Variants in CNKSR3 observed in about 807,000 individuals in gnomAD.
CNKSR3 encodes the protein CNKSR family member 3.
In CNKSR3, 36 loss-of-function variants were observed where a neutral mutation model predicts 67.7. The observed-to-expected ratio is 0.53, with a 90% CI of 0.41 to 0.70. CNKSR3 has a LOEUF of 0.70. Ranked by LOEUF, CNKSR3 falls within the 30% of genes least tolerant of loss-of-function variation. The pLI, the probability that CNKSR3 is intolerant of heterozygous loss-of-function variation, is 0.00. For synonymous variants in CNKSR3, 281 were observed against 271.4 expected, an observed-to-expected ratio of 1.04 and a Z score of -0.35; for missense variants, 630 against 695.2, an observed-to-expected ratio of 0.91 and a Z score of 1.05.
intron 6 of CNKSR3, among the ~76,000 whole-genome samples, chr6:154,429,412 C>T (rs1197638711): frequency 6.6e-6 from 1 of 152,170 alleles, no homozygotes; most frequent in African/African-American, 2.4e-5. Flanking sequence ...GGTACTCCCC[C>T]TCCCAGGGCA....
chr6:154,406,690 C>G (rs867720485), intron 12 of CNKSR3, 38 bp from the exon 13 acceptor site: 1 of 1,569,468 alleles, frequency 6.4e-7, no homozygotes, highest in South Asian at 1.2e-5. Flanking sequence ...ACAATCCCAG[C>G]CGGGCGTGGT....
At chr6:154,443,118 G>C (rs1464466283) in intron 2 of CNKSR3, among the ~76,000 whole-genome samples, 1 of 151,930 alleles carries the variant, frequency 6.6e-6, no homozygotes, top group African/African-American at 2.4e-5. Context: ...GGCTGGTCTC[G>C]AACTTGTGAG....
At chr6:154,455,834 AAG>A (rs1785941191) in intron 1 of CNKSR3, among the ~76,000 whole-genome samples, 1 of 152,034 alleles carries the variant, frequency 6.6e-6, no homozygotes, top group African/African-American at 2.4e-5. Context: ...TTTCTGCACA[AAG>A]AGAAATATCA....
rs1275646974 is a variant in CNKSR3 at position 154,403,832 on chromosome 6, CA to C, written c.*2521del. ...TCACTTAAAGGATGGCTGTTCAATT[CA>C]CAAGTGGCATTTTCCCCACAGAAAA... On this transcript the variant is annotated 3_prime_UTR_variant, in exon 13 of 13. Transcript: ENST00000607772. 1 of 152,178 alleles carries C rather than the reference CA, an allele frequency of 6.6e-6. No homozygotes were observed. Among genetic ancestry groups the C allele is most frequent in the Non-Finnish European group, 1.5e-5 (1 of 68,062 alleles). The allele number at this position is 152,178 out of a possible 1,614,324, so 9.4% of individuals were successfully genotyped here. A position where few individuals can be genotyped will look rare whatever the true frequency, so the allele number is the denominator to read the frequency against.
chr6:154,474,410 CT>C (rs1324801309), intron 1 of CNKSR3, among the ~76,000 whole-genome samples: 21 of 102,638 alleles, frequency 2.0e-4, no homozygotes, highest in African/African-American at 1.5e-3. Flanking sequence ...AAGACTCCGT[CT>C]CAAAAAAAAA....
chr6:154,498,297 CT>C (rs757076644), intron 1 of CNKSR3, among the ~76,000 whole-genome samples: 29 of 152,014 alleles, frequency 1.9e-4, no homozygotes, highest in Non-Finnish European at 2.8e-4. Context: ...CTGACCATGG[CT>C]GTCCACAGAG....
intron 2 of CNKSR3, among the ~76,000 whole-genome samples, chr6:154,447,276 A>G (rs1280446959): frequency 6.6e-6 from 1 of 152,180 alleles, no homozygotes; most frequent in East Asian, 1.9e-4. Flanking sequence ...GCTTCTGAGT[A>G]CTTGAAGTGT....
At chr6:154,428,561 A>G (rs1189213122) in intron 6 of CNKSR3, among the ~76,000 whole-genome samples, 1 of 152,194 alleles carries the variant, frequency 6.6e-6, no homozygotes, top group Non-Finnish European at 1.5e-5. Flanking sequence ...TAAGTTGCCT[A>G]CACTGGAGTG....
At chr6:154,474,675 A>T (rs928453833) in intron 1 of CNKSR3, among the ~76,000 whole-genome samples, 5 of 152,212 alleles carry the variant, frequency 3.3e-5, no homozygotes, top group Admixed American at 2.6e-4. Flanking sequence ...TGCCCCTGGC[A>T]CAGCCGTAGA....
intron 4 of CNKSR3, among the ~76,000 whole-genome samples, chr6:154,438,166 T>C (rs1785510578): frequency 6.6e-6 from 1 of 152,232 alleles, no homozygotes; most frequent in African/African-American, 2.4e-5. Flanking sequence ...GTATTTTATA[T>C]TATTTATCTG....
chr6:154,428,737 T>C lies in CNKSR3; in HGVS notation c.670-550A>G, dbSNP rs547277623. On this transcript the variant is annotated intron_variant, in intron 6 of 12. Coordinates refer to ENST00000607772, the MANE Select transcript of CNKSR3 (RefSeq NM_173515.4). The stretch of plus-strand genomic sequence containing the variant: ...GATCTCACTATGTTACCCGGGCTGG[T>C]TTCAAACTCCTGGGCTCAAGTGATC... Among the ~76,000 whole-genome samples, 137 of 151,544 alleles carry C rather than the reference T, an allele frequency of 9.0e-4. 1 individual carries two copies. The highest frequency in any genetic ancestry group is 3.4e-3 in the Middle Eastern group (1 of 294).
At chr6:154,425,085 T>C (rs1400392594) in intron 7 of CNKSR3, among the ~76,000 whole-genome samples, 1 of 152,226 alleles carries the variant, frequency 6.6e-6, no homozygotes, top group Non-Finnish European at 1.5e-5. Flanking sequence ...CTCAGATTTC[T>C]TACATCACTT....
intron 7 of CNKSR3, among the ~76,000 whole-genome samples, chr6:154,424,807 A>G (rs1785223185): frequency 6.6e-6 from 1 of 152,120 alleles, no homozygotes; most frequent in Non-Finnish European, 1.5e-5. Context: ...ACTCACGCTC[A>G]GTCACCCAGG....
At chr6:154,475,431 C>A (rs915401931) in intron 1 of CNKSR3, among the ~76,000 whole-genome samples, 1 of 152,162 alleles carries the variant, frequency 6.6e-6, no homozygotes, top group African/African-American at 2.4e-5. Context: ...GCCCCCTCCC[C>A]GGTGGAAATG....
intron 1 of CNKSR3, among the ~76,000 whole-genome samples, chr6:154,492,107 G>T (rs1008077710): frequency 6.6e-6 from 1 of 152,080 alleles, no homozygotes; most frequent in Non-Finnish European, 1.5e-5. Context: ...TCAATTCTCA[G>T]TCATCCTCTC....
chr6:154,441,326 T>C lies in CNKSR3; in HGVS notation c.473A>G (p.Gln158Arg). Residue 158 changes from glutamine to arginine, a missense_variant, in exon 4 of 13, where the codon CAG becomes CGG. Physicochemically the swap from Gln to Arg is conservative, Grantham distance 43. Transcript: ENST00000607772. Reference sequence around the variant, plus strand: ...TGTAGTGGTCAGGTCCAAGCAAAGCTGGATAATTTTGTTCTTCGTGACTGA... The same window carrying C: ...TGTAGTGGTCAGGTCCAAGCAAAGCCGGATAATTTTGTTCTTCGTGACTGA... ...DFSVTKNKII[Q>R]LCLDLTTTVQ... 6.2e-7 allele frequency: 1 copy of C among 1,612,870 alleles called. No homozygotes were observed. Among genetic ancestry groups the C allele is most frequent in the Non-Finnish European group, 8.5e-7 (1 of 1,179,666 alleles).
chr6:154,457,778 T>C (rs1185465914), intron 1 of CNKSR3, among the ~76,000 whole-genome samples: 3 of 152,170 alleles, frequency 2.0e-5, no homozygotes, highest in South Asian at 2.1e-4. Flanking sequence ...TCCTCTATCA[T>C]TCCATCTGAG....
Position 154,510,254 on chromosome 6 carries a change from C to G in CNKSR3, c.-140G>C, listed in dbSNP as rs1039479871. On this transcript the variant is annotated 5_prime_UTR_variant, in exon 1 of 13. Transcript: ENST00000607772. ...CGACTCCGTCAAGACTGCATGGCCG[C>G]GGTCAGCCAGTCGTCCCAGCGCGGC... 6 of 905,796 alleles carry G rather than the reference C, an allele frequency of 6.6e-6. No individual in the cohort carries two copies. The highest frequency in any genetic ancestry group is 1.0e-5 in the Non-Finnish European group (6 of 584,848). The allele number at this position is 905,796 out of a possible 1,614,324, so 56.1% of individuals were successfully genotyped here.
At chr6:154,505,664 A>C (rs1401407666) in intron 1 of CNKSR3, among the ~76,000 whole-genome samples, 2 of 150,072 alleles carry the variant, frequency 1.3e-5, no homozygotes, top group Non-Finnish European at 3.0e-5. Flanking sequence ...CACCCGGCTA[A>C]TTTTTTTTGT....
Sources: gnomAD v4.1 joint callset for allele counts (sites outside exome capture counted in the v4.1 genomes callset) on GRCh38, gnomAD v4.1.1 for gene constraint, MANE v1.5 for transcripts, NCBI Gene and HGNC (gene_info 2026-07-23, HGNC 2026-07-21) for gene names.